The following GALNT13 variants were observed in gnomAD, a reference collection of about 807,000 sequenced individuals.
GALNT13 encodes polypeptide N-acetylgalactosaminyltransferase 13.
A neutral mutation model predicts 64.2 loss-of-function variants in GALNT13; 28 were observed. The ratio of observed to expected loss-of-function variants is 0.44; its 90% CI spans 0.32 to 0.60. GALNT13 has a LOEUF of 0.60. Ranked by LOEUF, GALNT13 falls within the 20% of genes least tolerant of loss-of-function variation. The pLI is 0.05. For missense variants in GALNT13, 577 were observed against 669.8 expected, an observed-to-expected ratio of 0.86 and a Z score of 1.53; for synonymous variants, 214 against 224.6, an observed-to-expected ratio of 0.95 and a Z score of 0.42.
At chr2:153,748,555 T>A in the GALNT13 span, among the ~76,000 whole-genome samples, 1 of 152,128 alleles carries the variant, frequency 6.6e-6, no homozygotes. Context: ...TATGCCAGTA[T>A]GATATTTTTA....
At chr2:154,113,013 C>A (rs946299002) in intron 3 of GALNT13, among the ~76,000 whole-genome samples, 2 of 152,132 alleles carry the variant, frequency 1.3e-5, no homozygotes, top group African/African-American at 2.4e-5. Flanking sequence ...GCACACAACC[C>A]ACTTTATGGC....
At chr2:153,428,949 T>A in the GALNT13 span, among the ~76,000 whole-genome samples, 1 of 152,158 alleles carries the variant, frequency 6.6e-6, no homozygotes, top group African/African-American at 2.4e-5. Flanking sequence ...TAGGCAACAT[T>A]CTTGTCCAGT....
At chr2:153,475,620 G>A in the GALNT13 span, among the ~76,000 whole-genome samples, 4 of 152,168 alleles carry the variant, frequency 2.6e-5, no homozygotes, top group East Asian at 7.7e-4. Context: ...TTGACCTGTA[G>A]GTTTGACCCC....
the GALNT13 span, chr2:153,477,236 G>A: frequency 6.6e-6 from 1 of 152,432 alleles, no homozygotes; most frequent in Non-Finnish European, 1.5e-5. Flanking sequence ...TTGAATCGCA[G>A]CTCTCCAGGG....
the GALNT13 span, among the ~76,000 whole-genome samples, chr2:153,169,047 GA>G: frequency 2.0e-5 from 3 of 151,722 alleles, no homozygotes; most frequent in African/African-American, 4.8e-5. Flanking sequence ...CGATAAAGGA[GA>G]AAAAAATATT....
intron 9 of GALNT13, 118 bp from the exon 10 acceptor site, chr2:154,395,873 T>C (rs1699030496): frequency 2.6e-6 from 2 of 777,250 alleles, no homozygotes; most frequent in African/African-American, 1.8e-5. Flanking sequence ...AGCAGCTGCA[T>C]ATGCAATTGA....
chr2:154,209,387 A>G (rs1406710312), intron 4 of GALNT13, among the ~76,000 whole-genome samples: 1 of 152,132 alleles, frequency 6.6e-6, no homozygotes, highest in Non-Finnish European at 1.5e-5. Context: ...AACTTTTTTC[A>G]TGATATTTCA....
rs554888108 is a variant in GALNT13, at chr2:154,150,799, G to A, written c.311+10294G>A. Among the ~76,000 whole-genome samples the A allele has an allele frequency of 3.8e-4, 58 of 152,082 alleles. 2 individuals are homozygous for A. In the South Asian group the frequency reaches 7.5e-3, roughly 20 times the overall value. On this transcript the variant is annotated intron_variant, in intron 4 of 12. Transcript: ENST00000392825. The stretch of plus-strand genomic sequence containing the variant: ...TATCCGCTTTATCATTTTTTATTGC[G>A]TCTATTTGATTCTTCTCTCTTTTCT...
chr2:154,443,192 C>T (rs1701390855), intron 12 of GALNT13, among the ~76,000 whole-genome samples: 1 of 151,994 alleles, frequency 6.6e-6, no homozygotes, highest in African/African-American at 2.4e-5. Flanking sequence ...TTCCATATTC[C>T]TATTGACCCA....
chr2:153,087,555 A>G, the GALNT13 span, among the ~76,000 whole-genome samples: 10 of 152,184 alleles, frequency 6.6e-5, no homozygotes, highest in East Asian at 1.2e-3. Context: ...TAAGATTGGT[A>G]TCAATTCTTT....
At chr2:154,374,561 G>C (rs1697873763) in intron 9 of GALNT13, among the ~76,000 whole-genome samples, 1 of 152,154 alleles carries the variant, frequency 6.6e-6, no homozygotes. Context: ...ATCTAATTAT[G>C]ATGCAATTCA....
chr2:153,258,773 T>C, the GALNT13 span, among the ~76,000 whole-genome samples: 2 of 152,206 alleles, frequency 1.3e-5, no homozygotes, highest in Admixed American at 1.3e-4. Flanking sequence ...AGTTTCCATA[T>C]TTCGTCTTGT....
At chr2:153,541,108 G>T in the GALNT13 span, among the ~76,000 whole-genome samples, 8 of 152,228 alleles carry the variant, frequency 5.3e-5, no homozygotes, top group African/African-American at 1.7e-4. Flanking sequence ...ATAATCCCCA[G>T]GTGTTGTGGG....
chr2:153,216,804 A>C, the GALNT13 span, among the ~76,000 whole-genome samples: 2 of 151,878 alleles, frequency 1.3e-5, no homozygotes, highest in Non-Finnish European at 2.9e-5. Flanking sequence ...TTTAATTTTA[A>C]ATGTTCAATT....
the GALNT13 span, among the ~76,000 whole-genome samples, chr2:153,365,254 A>G: frequency 1.3e-5 from 2 of 152,228 alleles, no homozygotes; most frequent in African/African-American, 4.8e-5. Context: ...AGGTATATTA[A>G]AGACTTAAAT....
chr2:154,439,777 A>G lies in GALNT13; in HGVS notation c.1530+1051A>G, dbSNP rs114940391. Among the ~76,000 whole-genome samples, 1,492 of 152,262 alleles carry G rather than the reference A, an allele frequency of 9.8e-3. 26 individuals are homozygous for G. Among genetic ancestry groups the G allele is most frequent in the African/African-American group, 0.034 (1,402 of 41,562 alleles). The stretch of plus-strand genomic sequence containing the variant: ...TCATAGGATTTGAAACTGGTTGTGC[A>G]GGGTTAATTTTGGGCCTAACACTCA... On this transcript the variant is annotated intron_variant, in intron 12 of 12. Coordinates refer to ENST00000392825, the MANE Select transcript of GALNT13 (RefSeq NM_052917.4).
the GALNT13 span, among the ~76,000 whole-genome samples, chr2:153,372,513 G>A: frequency 6.6e-6 from 1 of 152,034 alleles, no homozygotes; most frequent in African/African-American, 2.4e-5. Context: ...GGGCATGGTG[G>A]TACACACCTG....
intron 8 of GALNT13, among the ~76,000 whole-genome samples, chr2:154,298,373 A>G (rs1221777991): frequency 7.0e-6 from 1 of 142,794 alleles, no homozygotes; most frequent in Non-Finnish European, 1.5e-5. Flanking sequence ...TAATATCACT[A>G]AATTACATAA....
chr2:153,105,414 T>C, the GALNT13 span, among the ~76,000 whole-genome samples: 1 of 152,026 alleles, frequency 6.6e-6, no homozygotes, highest in African/African-American at 2.4e-5. Flanking sequence ...ACAGCCAATA[T>C]CATACCAAAT....
Sources: allele counts gnomAD v4.1 joint callset (sites outside exome capture counted in the v4.1 genomes callset), GRCh38; gene constraint gnomAD v4.1.1; transcripts MANE v1.5; gene names NCBI Gene and HGNC (gene_info 2026-07-23, HGNC 2026-07-21).